The following RALGAPA2 variants were observed in gnomAD, a reference collection of about 807,000 sequenced individuals.
RALGAPA2 encodes ral GTPase-activating protein subunit alpha-2.
In RALGAPA2, 139 loss-of-function variants were observed where a neutral mutation model predicts 230.4. The ratio of observed to expected loss-of-function variants is 0.60; its 90% CI spans 0.53 to 0.69. RALGAPA2 has a LOEUF of 0.69. RALGAPA2 is among the 30% of genes least tolerant of loss of function. The pLI is 0.00. For synonymous variants in RALGAPA2, 847 were observed against 837.8 expected (o/e 1.01, Z -0.19); for missense variants, 2,163 against 2,276.0 (o/e 0.95, Z 1.01).
At chr20:20,563,190 T>C (rs2064309564) in intron 23 of RALGAPA2, among the ~76,000 whole-genome samples, 1 of 152,234 alleles carries the variant, frequency 6.6e-6, no homozygotes, top group Non-Finnish European at 1.5e-5. Context: ...TAAGTCAAAC[T>C]TGGAAGTTTT....
chr20:20,394,783 T>C (rs1211349012), intron 39 of RALGAPA2, among the ~76,000 whole-genome samples: 2 of 146,562 alleles, frequency 1.4e-5, no homozygotes, highest in African/African-American at 2.5e-5. Context: ...CACTGGCATT[T>C]AATCCAGGGT....
intron 3 of RALGAPA2, among the ~76,000 whole-genome samples, chr20:20,658,674 G>C (rs962969004): frequency 1.3e-5 from 2 of 152,192 alleles, no homozygotes; most frequent in Non-Finnish European, 2.9e-5. Flanking sequence ...GCACATCAGG[G>C]AATCTGTCAT....
At chr20:20,529,872 G>C (rs1342582912) in intron 27 of RALGAPA2, among the ~76,000 whole-genome samples, 1 of 152,244 alleles carries the variant, frequency 6.6e-6, no homozygotes, top group Non-Finnish European at 1.5e-5. Flanking sequence ...AACACACCGA[G>C]TTATTCATAG....
At chr20:20,550,904 G>A (rs2063905556) in intron 23 of RALGAPA2, among the ~76,000 whole-genome samples, 1 of 152,318 alleles carries the variant, frequency 6.6e-6, no homozygotes, top group East Asian at 1.9e-4. Context: ...CTTTATAGGT[G>A]TAGTTTGTAT....
chr20:20,462,085 T>C (rs1482768300), intron 37 of RALGAPA2, among the ~76,000 whole-genome samples: 3 of 152,092 alleles, frequency 2.0e-5, no homozygotes, highest in Non-Finnish European at 4.4e-5. Context: ...AAGACCGAAA[T>C]AAAGCATTAG....
At chr20:20,578,659 T>C (rs1339662760) in intron 20 of RALGAPA2, among the ~76,000 whole-genome samples, 1 of 152,126 alleles carries the variant, frequency 6.6e-6, no homozygotes. Flanking sequence ...CTAGGCACAG[T>C]GTTAAAGAAA....
At chr20:20,476,106 G>A (rs2061645054) in intron 36 of RALGAPA2, among the ~76,000 whole-genome samples, 1 of 152,148 alleles carries the variant, frequency 6.6e-6, no homozygotes, top group Non-Finnish European at 1.5e-5. Context: ...GATGTACAAT[G>A]TTCATGGACT....
rs775320955 is a variant in RALGAPA2 at position 20,437,896 on chromosome 20, C to G, written c.5496-25748G>C. 6.6e-6 allele frequency among the ~76,000 whole-genome samples: 1 copy of G among 152,152 alleles called. No individual in the cohort carries two copies. Among genetic ancestry groups the G allele is most frequent in the African/African-American group, 2.4e-5 (1 of 41,434 alleles). ...ACCCAGAGAACAGGCCCCATACCTA[C>G]AGAGTCTCAGAAACCACTCTCGCAG... On this transcript the variant is annotated intron_variant, in intron 37 of 39. Coordinates refer to ENST00000202677, the MANE Select transcript of RALGAPA2 (RefSeq NM_020343.4). This position sits in a 1 kb window ranked among gnomAD's most constrained non-coding sequence, Gnocchi z 4.1.
Position 20,436,170 on chromosome 20 carries a change from C to T in RALGAPA2, c.5496-24022G>A, listed in dbSNP as rs1172436852. 3.9e-5 allele frequency among the ~76,000 whole-genome samples: 6 copies of T among 152,262 alleles called. No individual in the cohort carries two copies. In the East Asian group the frequency reaches 1.2e-3, roughly 29 times the overall value. ...CAGACCTGCCTGTGGACATTGCTCC[C>T]TCTCTCTCAGGCCACTTTGCTCCTC... On this transcript the variant is annotated intron_variant, in intron 37 of 39. Transcript: ENST00000202677.
At chr20:20,589,739 C>T (rs2065232417) in intron 17 of RALGAPA2, among the ~76,000 whole-genome samples, 1 of 151,978 alleles carries the variant, frequency 6.6e-6, no homozygotes, top group African/African-American at 2.4e-5. Context: ...CAGTAAGGTG[C>T]CTCAGTATTG....
In RALGAPA2 at chr20:20,389,864, C is replaced by G. The variant is rs1233910055; in HGVS notation, c.*3425G>C. ...TAACAAGAGACAGCAAAATAAGAAT[C>G]AAATGACACGCTATAACTTAATTTA... is the stretch of plus-strand genomic sequence containing the variant. On this transcript the variant is annotated 3_prime_UTR_variant, in exon 40 of 40. Coordinates refer to ENST00000202677, the MANE Select transcript of RALGAPA2 (RefSeq NM_020343.4). The G allele has an allele frequency of 6.6e-6, 1 of 151,908 alleles. No individual in the cohort carries two copies. Among genetic ancestry groups the G allele is most frequent in the Admixed American group, 6.6e-5 (1 of 15,258 alleles). The allele number at this position is 151,908 out of a possible 1,614,324, so 9.4% of individuals were successfully genotyped here.
intron 38 of RALGAPA2, among the ~76,000 whole-genome samples, chr20:20,397,001 G>A (rs940869732): frequency 1.3e-5 from 2 of 152,208 alleles, no homozygotes; most frequent in Non-Finnish European, 2.9e-5. Context: ...CAGGATCTAT[G>A]CATGCAGACC....
chr20:20,474,961 G>A (rs1328477867), intron 36 of RALGAPA2, among the ~76,000 whole-genome samples: 1 of 152,130 alleles, frequency 6.6e-6, no homozygotes, highest in African/African-American at 2.4e-5. Flanking sequence ...CCAATGTTTA[G>A]AGCTTAGAGA....
intron 34 of RALGAPA2, among the ~76,000 whole-genome samples, chr20:20,504,081 T>C (rs990167511): frequency 6.6e-6 from 1 of 152,212 alleles, no homozygotes; most frequent in African/African-American, 2.4e-5. Context: ...CATAAACTAG[T>C]ATTCTTTCAG....
chr20:20,525,393 C>T (rs2063169833), intron 28 of RALGAPA2, among the ~76,000 whole-genome samples: 1 of 152,102 alleles, frequency 6.6e-6, no homozygotes, highest in Admixed American at 6.5e-5. Context: ...CTTTATGTTC[C>T]CATGTCCAAA....
At chr20:20,706,351 CA>C in intron 1 of RALGAPA2, among the ~76,000 whole-genome samples, 1 of 152,250 alleles carries the variant, frequency 6.6e-6, no homozygotes, top group Middle Eastern at 3.4e-3. Context: ...GATGAAAAAA[CA>C]GCAAAGGAAG....
chr20:20,609,154 C>T (rs189804022), intron 14 of RALGAPA2, among the ~76,000 whole-genome samples: 4 of 152,196 alleles, frequency 2.6e-5, no homozygotes, highest in South Asian at 4.1e-4. Context: ...GCCACTATGG[C>T]TGGATAATTT....
At chr20:20,529,858 A>G (rs896307105) in intron 27 of RALGAPA2, among the ~76,000 whole-genome samples, 3 of 152,298 alleles carry the variant, frequency 2.0e-5, no homozygotes, top group South Asian at 2.1e-4. Context: ...ATCTCCTTCA[A>G]TCTAACACAC....
At chr20:20,493,832 G>A (rs946205980) in intron 36 of RALGAPA2, among the ~76,000 whole-genome samples, 8 of 152,118 alleles carry the variant, frequency 5.3e-5, no homozygotes, top group Non-Finnish European at 4.4e-5. Flanking sequence ...CACGCACATG[G>A]AGATCAGAAT....
Sources: allele counts gnomAD v4.1 joint callset (sites outside exome capture counted in the v4.1 genomes callset), GRCh38; gene constraint gnomAD v4.1.1; non-coding constraint Gnocchi (gnomAD v3.1); transcripts MANE v1.5; gene names NCBI Gene and HGNC (gene_info 2026-07-23, HGNC 2026-07-21).